ZCCHC4: variants seen among roughly 807,000 people sequenced by gnomAD.
ZCCHC4 encodes the protein zinc finger CCHC-type containing 4.
Under a neutral mutation model 67.7 loss-of-function variants are expected in ZCCHC4, and 54 were observed. The ratio of observed to expected loss-of-function variants is 0.80; its 90% CI spans 0.64 to 1.00. The LOEUF is 1.00. Among genes scored for constraint, ZCCHC4 ranks in the 50% least tolerant of loss-of-function variants. The probability of loss-of-function intolerance (pLI) is 0.00; values close to 1 mark genes in which losing one functional copy is unlikely to be tolerated. For missense variants in ZCCHC4, 609 were observed against 617.0 expected, an observed-to-expected ratio of 0.99 and a Z score of 0.14; for synonymous variants, 198 against 213.5, an observed-to-expected ratio of 0.93 and a Z score of 0.63.
intron 3 of ZCCHC4, among the ~76,000 whole-genome samples, chr4:25,319,768 A>G (rs1718482043): frequency 6.6e-6 from 1 of 152,048 alleles, no homozygotes; most frequent in Non-Finnish European, 1.5e-5. Flanking sequence ...ATGATGTACT[A>G]TTGCTTGAGA....
chr4:25,329,475 G>GTT (rs1436725707), intron 3 of ZCCHC4, among the ~76,000 whole-genome samples: 2 of 91,298 alleles, frequency 2.2e-5, no homozygotes, highest in Non-Finnish European at 4.9e-5. Flanking sequence ...AAGGTGTTTT[G>GTT]TTTTTTTTTT....
At chr4:25,339,568 G>T (rs1560407474) in intron 5 of ZCCHC4, among the ~76,000 whole-genome samples, 1 of 152,128 alleles carries the variant, frequency 6.6e-6, no homozygotes, top group Non-Finnish European at 1.5e-5. Flanking sequence ...TCTTATTGGA[G>T]AAATATCAAT....
chr4:25,314,259 A>C, intron 2 of ZCCHC4, 95 bp downstream of exon 2: 1 of 763,068 alleles, frequency 1.3e-6, no homozygotes, highest in Non-Finnish European at 2.2e-6. Context: ...CGGTCTGAAC[A>C]TACAAGATAA....
rs768767978 is a variant in ZCCHC4, at chr4:25,361,948, C to G, written c.1101C>G (p.Asn367Lys). The change falls in exon 9 of 13, where the codon AAC (asparagine) becomes AAG (lysine). Residue 367 changes from asparagine (N) to lysine (K), a missense_variant. Physicochemically the swap from Asn to Lys is moderately conservative, Grantham distance 94 (BLOSUM62 0). Coordinates refer to ENST00000302874, the MANE Select transcript of ZCCHC4 (RefSeq NM_024936.3). The part of the protein sequence containing the change: ...PVRIFTNIPP[N>K]KIILPTEEGY... ...GTATTTTCACCAACATTCCGCCCAA[C>G]AAAATAATCCTTCCTACTGAAGAAG... The G allele has an allele frequency of 1.2e-6, 2 of 1,613,886 alleles. No individual in the cohort carries two copies. Among genetic ancestry groups the G allele is most frequent in the Non-Finnish European group, 1.7e-6 (2 of 1,179,978 alleles).
intron 8 of ZCCHC4, chr4:25,352,518 T>G: frequency 2.0e-6 from 1 of 501,746 alleles, no homozygotes; most frequent in Non-Finnish European, 2.6e-6. Flanking sequence ...AAGCGATTCT[T>G]CTGCCTTAGC....
Position 25,365,751 on chromosome 4 carries a change from G to A in ZCCHC4, c.1406+585G>A, listed in dbSNP as rs1030759832. 1.2e-5 allele frequency: 12 copies of A among 985,342 alleles called. No homozygotes were observed. The African/African-American group carries it at 2.1e-4, about 17-fold the overall frequency. 61.0% of individuals were successfully genotyped at this position (985,342 alleles called of 1,614,324 possible). A position where few individuals can be genotyped will look rare whatever the true frequency, so the allele number is the denominator to read the frequency against. On this transcript the variant is annotated intron_variant, in intron 12 of 12. Coordinates refer to ENST00000302874, the MANE Select transcript of ZCCHC4 (RefSeq NM_024936.3). ...TTGGAGCTATGGATTACAACTCAGAGTATGGGGATACCTATGACAATAGCT... is the reference window on the plus strand; with the variant it reads ...TTGGAGCTATGGATTACAACTCAGAATATGGGGATACCTATGACAATAGCT...
At position 25,340,519 on chromosome 4, in the gene ZCCHC4, T is replaced by C. The variant is rs4519783; in HGVS notation, c.687-5029T>C. Among the ~76,000 whole-genome samples, 1,255 of 152,256 alleles carry C rather than the reference T, an allele frequency of 8.2e-3. 21 individuals are homozygous for C. Among genetic ancestry groups the C allele is most frequent in the African/African-American group, 0.027 (1,135 of 41,548 alleles). On this transcript the variant is annotated intron_variant, in intron 5 of 12. Transcript: ENST00000302874. ...ATGAATGTTAGGATCAGCTTGTCAA[T>C]TTCTACAAAAAAAGCCAGCTGAGAT...
At chr4:25,318,543 C>T (rs1449363138) in intron 3 of ZCCHC4, among the ~76,000 whole-genome samples, 13 of 151,064 alleles carry the variant, frequency 8.6e-5, no homozygotes, top group Non-Finnish European at 3.0e-5. Context: ...TTAGTAGAGA[C>T]GGGGTTTCAC....
chr4:25,321,019 G>A (rs571339532), intron 3 of ZCCHC4, among the ~76,000 whole-genome samples: 4 of 152,264 alleles, frequency 2.6e-5, no homozygotes, highest in African/African-American at 9.6e-5. Context: ...TTACTCAGTG[G>A]GTGATAGGTA....
chr4:25,332,267 C>T (rs1180707910), intron 3 of ZCCHC4, among the ~76,000 whole-genome samples: 15 of 147,766 alleles, frequency 1.0e-4, no homozygotes, highest in African/African-American at 3.8e-4. Flanking sequence ...AAGATTGCGC[C>T]ACGGCACTCT....
At chr4:25,355,552 A>G (rs1426614281) in intron 8 of ZCCHC4, among the ~76,000 whole-genome samples, 1 of 152,254 alleles carries the variant, frequency 6.6e-6, no homozygotes, top group East Asian at 1.9e-4. Context: ...TGTACTTAAT[A>G]TGGGACACTT....
intron 5 of ZCCHC4, among the ~76,000 whole-genome samples, 184 bp downstream of exon 5, chr4:25,334,172 A>C (rs1031847702): frequency 2.0e-5 from 3 of 152,212 alleles, no homozygotes; most frequent in African/African-American, 7.2e-5. Context: ...ACAGGGAGGC[A>C]GTTGATTTCT....
rs931701905 is a variant in ZCCHC4 at position 25,349,426 on chromosome 4, T to G, written c.760-66T>G. ...GAGAGAGACTGAGTCTAATGCATTC[T>G]CCTCCAAATAGGATGAAGTGCCTCT... On this transcript the variant is annotated intron_variant, in intron 6 of 12. Coordinates refer to ENST00000302874, the MANE Select transcript of ZCCHC4 (RefSeq NM_024936.3). The G allele has an allele frequency of 1.3e-5, 20 of 1,501,760 alleles. No homozygotes were observed. In the Admixed American group the frequency reaches 3.1e-4, roughly 23 times the overall value. The allele number at this position is 1,501,760 out of a possible 1,614,324, so 93.0% of individuals were successfully genotyped here.
At chr4:25,325,483 C>T (rs1311791519) in intron 3 of ZCCHC4, among the ~76,000 whole-genome samples, 4 of 151,820 alleles carry the variant, frequency 2.6e-5, no homozygotes, top group Admixed American at 6.6e-5. Flanking sequence ...AGGCTGATCT[C>T]GAACTCCTGA....
Position 25,333,276 on chromosome 4 carries a change from T to A in ZCCHC4, c.423T>A (p.Ser141Arg). The part of the protein sequence containing the change: ...LLLPDDWGQH[S>R]EHQVLGNVSI... ...TACCAGATGACTGGGGGCAACATAG[T>A]GAGCATCAGGTTCTGGGTAATGTGT... Residue 141 changes from serine (S) to arginine (R), a missense_variant, in exon 4 of 13, where the codon AGT becomes AGA. Coordinates refer to ENST00000302874, the MANE Select transcript of ZCCHC4 (RefSeq NM_024936.3). 6.2e-7 allele frequency: 1 copy of A among 1,614,154 alleles called. No homozygotes were observed. The highest frequency in any genetic ancestry group is 1.3e-5 in the African/African-American group (1 of 75,048).
intron 3 of ZCCHC4, among the ~76,000 whole-genome samples, chr4:25,331,386 C>G (rs547929840): frequency 1.3e-4 from 20 of 152,260 alleles, no homozygotes; most frequent in Admixed American, 3.3e-4. Context: ...CTCACTGCAG[C>G]CTTGAACTCC....
chr4:25,316,295 C>G, intron 3 of ZCCHC4, among the ~76,000 whole-genome samples: 1 of 152,168 alleles, frequency 6.6e-6, no homozygotes, highest in East Asian at 1.9e-4. Context: ...CATTGATATA[C>G]AAATATTAGT....
chr4:25,315,522 T>C (rs1297475618), intron 3 of ZCCHC4, 122 bp downstream of exon 3: 1 of 664,892 alleles, frequency 1.5e-6, no homozygotes, highest in Non-Finnish European at 2.3e-6. Flanking sequence ...ATATATAATA[T>C]AAAATTTGCC....
chr4:25,329,014 C>T (rs1719036922), intron 3 of ZCCHC4, among the ~76,000 whole-genome samples: 2 of 151,954 alleles, frequency 1.3e-5, no homozygotes, highest in East Asian at 2.0e-4. Context: ...TGGCAAAACC[C>T]TGTCTCTACA....
Sources: gnomAD v4.1 joint callset for allele counts (sites outside exome capture counted in the v4.1 genomes callset) on GRCh38, gnomAD v4.1.1 for gene constraint, MANE v1.5 for transcripts, NCBI Gene and HGNC (gene_info 2026-07-23, HGNC 2026-07-21) for gene names.